The following KIF18A variants were observed in gnomAD, a reference collection of about 807,000 sequenced individuals.
The protein encoded by KIF18A is kinesin family member 18A, also known as kinesin-like protein KIF18A.
A neutral mutation model predicts 103.3 loss-of-function variants in KIF18A; 67 were observed. That is an observed-to-expected ratio of 0.65 (90% CI 0.53 to 0.79). The LOEUF (loss-of-function observed/expected upper bound fraction) is 0.79, where lower values mean the gene tolerates loss of function less well. Among genes scored for constraint, KIF18A ranks in the 30% least tolerant of loss-of-function variants. KIF18A has a pLI of 0.00. For missense variants in KIF18A, 1,032 were observed against 1,062.5 expected (o/e 0.97, Z 0.40); for synonymous variants, 367 against 355.5 (o/e 1.03, Z -0.36).
chr11:28,077,015 C>T lies in KIF18A; in HGVS notation c.1417G>A (p.Val473Ile). Residue 473 changes from valine (V) to isoleucine (I), a missense_variant, in exon 10 of 17, where the codon GTA (valine) becomes ATA (isoleucine). By Grantham distance (29) the Val-to-Ile change is conservative. Transcript: ENST00000263181. ...QIEMMCSEDKVEKATGKRDHR... is the reference protein window; with the variant it reads ...QIEMMCSEDKIEKATGKRDHR... The stretch of plus-strand genomic sequence containing the variant: ...ATAAAATTGTTAATTACCTTTTCTA[C>T]TTTGTCTTCAGAACACATCATTTCT... 7.2e-7 allele frequency: 1 copy of T among 1,394,886 alleles called. No individual in the cohort carries two copies. The highest frequency in any genetic ancestry group is 9.5e-7 in the Non-Finnish European group (1 of 1,053,348). The allele number at this position is 1,394,886 out of a possible 1,614,324, so 86.4% of individuals were successfully genotyped here.
intron 15 of KIF18A, among the ~76,000 whole-genome samples, chr11:28,024,408 A>G (rs1850286861): frequency 1.3e-5 from 2 of 152,112 alleles, no homozygotes; most frequent in African/African-American, 2.4e-5. Flanking sequence ...TCAGTCTTAC[A>G]CTGCTGATGG....
intron 15 of KIF18A, among the ~76,000 whole-genome samples, chr11:28,024,468 T>C (rs1005442272): frequency 6.6e-6 from 1 of 152,126 alleles, no homozygotes; most frequent in Non-Finnish European, 1.5e-5. Context: ...ACACCTATTA[T>C]GGCCTTGTGT....
chr11:28,044,222 G>A (rs1565074230), intron 13 of KIF18A, among the ~76,000 whole-genome samples: 1 of 151,934 alleles, frequency 6.6e-6, no homozygotes, highest in Non-Finnish European at 1.5e-5. Context: ...GACACTAGGT[G>A]CATTAAATAA....
At chr11:28,021,364 G>T in intron 16 of KIF18A, 82 bp from the exon 17 acceptor site, 1 of 1,128,422 alleles carries the variant, frequency 8.9e-7, no homozygotes, top group South Asian at 2.7e-5. Context: ...TAAAAATTAT[G>T]ACCATAGAAA....
chr11:28,076,829 G>C (rs1256796824), intron 10 of KIF18A, 178 bp downstream of exon 10: 1 of 369,060 alleles, frequency 2.7e-6, no homozygotes, highest in Admixed American at 4.6e-5. Flanking sequence ...AGCTAGCTGG[G>C]AGGCTGAGGC....
intron 15 of KIF18A, 22 bp from the exon 16 acceptor site, chr11:28,023,872 T>C (rs12273233): frequency 0.16 from 234,292 of 1,422,656 alleles, 20,546 homozygotes; most frequent in East Asian, 0.28. Context: ...AAGTTTTTAA[T>C]TTAGTTAAGC....
chr11:28,046,374 T>G (rs1442375434), intron 13 of KIF18A, among the ~76,000 whole-genome samples: 3 of 148,762 alleles, frequency 2.0e-5, no homozygotes, highest in South Asian at 2.2e-4. Context: ...CCATAAAAAA[T>G]GATGAGTTCA....
At chr11:28,105,609 C>T (rs1220139273) in intron 1 of KIF18A, among the ~76,000 whole-genome samples, 1 of 152,010 alleles carries the variant, frequency 6.6e-6, no homozygotes, top group African/African-American at 2.4e-5. Flanking sequence ...TCCCTATTTC[C>T]CCCAAAACTC....
intron 9 of KIF18A, among the ~76,000 whole-genome samples, chr11:28,078,440 C>G (rs939545584): frequency 3.3e-5 from 5 of 151,980 alleles, no homozygotes; most frequent in African/African-American, 1.2e-4. Context: ...TAATATTTGT[C>G]AATTTTGTGA....
chr11:28,091,559 ATGG>A (rs756015198), intron 3 of KIF18A, 46 bp from the exon 4 acceptor site: 7 of 986,324 alleles, frequency 7.1e-6, no homozygotes, highest in East Asian at 4.9e-5. Context: ...AAAAAAAAAA[ATGG>A]TGATTACATC....
intron 15 of KIF18A, among the ~76,000 whole-genome samples, chr11:28,024,475 G>A (rs972287416): frequency 6.6e-6 from 1 of 151,980 alleles, no homozygotes; most frequent in African/African-American, 2.4e-5. Context: ...TTATGGCCTT[G>A]TGTTACATGA....
At chr11:28,052,029 T>C (rs565521549) in intron 13 of KIF18A, among the ~76,000 whole-genome samples, 1 of 152,238 alleles carries the variant, frequency 6.6e-6, no homozygotes, top group Admixed American at 6.5e-5. Flanking sequence ...CATTTCTTTC[T>C]CTCCTATTCC....
intron 15 of KIF18A, among the ~76,000 whole-genome samples, chr11:28,033,850 A>T (rs372262028): frequency 1.3e-5 from 2 of 151,722 alleles, no homozygotes; most frequent in African/African-American, 4.8e-5. Context: ...AAAATAACTA[A>T]GAGTATAATT....
intron 13 of KIF18A, among the ~76,000 whole-genome samples, chr11:28,042,322 A>G (rs1850570839): frequency 6.6e-6 from 1 of 151,844 alleles, no homozygotes. Context: ...TAAAAACAGC[A>G]TCTCTTTTTA....
At chr11:28,051,423 A>T (rs1007402405) in intron 13 of KIF18A, among the ~76,000 whole-genome samples, 8 of 151,926 alleles carry the variant, frequency 5.3e-5, no homozygotes, top group African/African-American at 1.7e-4. Context: ...GCTGTTAAGG[A>T]TGCATTGCCA....
intron 1 of KIF18A, among the ~76,000 whole-genome samples, 200 bp downstream of exon 1, chr11:28,107,864 G>C (rs1351875198): frequency 2.0e-5 from 3 of 152,126 alleles, no homozygotes; most frequent in African/African-American, 7.2e-5. Context: ...CGAGGATTAC[G>C]GTCAAGCAGA....
chr11:28,099,977 C>T (rs182501760), intron 1 of KIF18A, among the ~76,000 whole-genome samples: 1 of 152,182 alleles, frequency 6.6e-6, no homozygotes, highest in Admixed American at 6.5e-5. Flanking sequence ...AGGGTAGTGG[C>T]AGCAGAGGTG....
intron 2 of KIF18A, 24 bp from the exon 3 acceptor site, chr11:28,094,824 A>C (rs1274050371): frequency 4.4e-6 from 7 of 1,607,766 alleles, no homozygotes; most frequent in East Asian, 2.2e-5. Flanking sequence ...AAAGGGATCA[A>C]AACTCTTTGT....
chr11:28,021,499 G>T (rs960536798), intron 16 of KIF18A, among the ~76,000 whole-genome samples: 2 of 152,186 alleles, frequency 1.3e-5, no homozygotes, highest in Admixed American at 1.3e-4. Flanking sequence ...TAAAGTTTCA[G>T]TGAGTGCGTG....
Sources: gnomAD v4.1 joint callset for allele counts (sites outside exome capture counted in the v4.1 genomes callset) on GRCh38, gnomAD v4.1.1 for gene constraint, MANE v1.5 for transcripts, NCBI Gene and HGNC (gene_info 2026-07-23, HGNC 2026-07-21) for gene names.